BANK1: variants seen among roughly 807,000 people sequenced by gnomAD.
BANK1 encodes B-cell scaffold protein with ankyrin repeats.
In BANK1, 95 loss-of-function variants were observed where a neutral mutation model predicts 94.5. That is an observed-to-expected ratio of 1.00 (90% CI 0.85 to 1.19). The LOEUF (loss-of-function observed/expected upper bound fraction) is 1.19, where lower values mean the gene tolerates loss of function less well. BANK1 is among the 50% of genes most tolerant of loss of function. The pLI, the probability that BANK1 is intolerant of heterozygous loss-of-function variation, is 0.00. For synonymous variants in BANK1, 334 were observed against 308.4 expected (o/e 1.08, Z -0.87); for missense variants, 987 against 932.2 (o/e 1.06, Z -0.77).
chr4:102,058,989 CA>C (rs1345773437), intron 11 of BANK1, among the ~76,000 whole-genome samples: 1 of 152,138 alleles, frequency 6.6e-6, no homozygotes, highest in Non-Finnish European at 1.5e-5. Flanking sequence ...AGGAACACTA[CA>C]GGCCATTCCA....
intron 7 of BANK1, among the ~76,000 whole-genome samples, chr4:101,959,926 A>G (rs943204936): frequency 1.3e-5 from 2 of 152,168 alleles, no homozygotes. Context: ...TTTTTAGAAA[A>G]TGTGGTCATT....
At chr4:102,054,172 GGATT>G (rs140582607) in intron 11 of BANK1, among the ~76,000 whole-genome samples, 36,654 of 151,720 alleles carry the variant, frequency 0.24, 5,052 homozygotes, top group African/African-American at 0.35. Context: ...TTTTTAAAAT[GGATT>G]GATTATTTGT....
intron 10 of BANK1, among the ~76,000 whole-genome samples, chr4:102,032,558 T>C (rs180916509): frequency 6.6e-6 from 1 of 152,168 alleles, no homozygotes; most frequent in Non-Finnish European, 1.5e-5. Flanking sequence ...CCATCAAATA[T>C]GGCTATTCTT....
chr4:101,940,143 A>C (rs1723694045), intron 7 of BANK1, among the ~76,000 whole-genome samples: 1 of 151,704 alleles, frequency 6.6e-6, no homozygotes, highest in Non-Finnish European at 1.5e-5. Context: ...CATGATTATG[A>C]GATATTTACT....
At chr4:101,963,250 A>T (rs1285672932) in intron 7 of BANK1, among the ~76,000 whole-genome samples, 1 of 152,058 alleles carries the variant, frequency 6.6e-6, no homozygotes, top group Non-Finnish European at 1.5e-5. Flanking sequence ...CTCCCAATAA[A>T]AGTTGGGCAT....
rs76556159 is a variant in BANK1 at position 101,975,389 on chromosome 4, G to A, written c.1207-46125G>A. Among the ~76,000 whole-genome samples the A allele has an allele frequency of 4.7e-3, 711 of 152,196 alleles. 13 individuals carry two copies. The East Asian group carries it at 0.056, about 12-fold the overall frequency. On this transcript the variant is annotated intron_variant, in intron 7 of 16. Coordinates refer to ENST00000322953, the MANE Select transcript of BANK1 (RefSeq NM_017935.5). ...TATCTAAATTATGCCCATCATAAAGGCTTACTGCTTTTTATATTTCCTCTG... is the reference window on the plus strand; with the variant it reads ...TATCTAAATTATGCCCATCATAAAGACTTACTGCTTTTTATATTTCCTCTG...
intron 7 of BANK1, among the ~76,000 whole-genome samples, chr4:102,018,372 G>A (rs2148945467): frequency 6.6e-6 from 1 of 152,274 alleles, no homozygotes. Context: ...AACCAACACT[G>A]TGGAAAGTTG....
intron 11 of BANK1, among the ~76,000 whole-genome samples, chr4:102,054,287 G>A (rs1006584921): frequency 3.9e-5 from 6 of 152,036 alleles, no homozygotes; most frequent in African/African-American, 1.2e-4. Flanking sequence ...TACTATTCAC[G>A]TAATCGTATT....
rs1213668917 is a variant in BANK1, at chr4:102,025,406, AAAT to A, written c.1495_1497del (p.Asn499del). 2.5e-6 allele frequency: 4 copies of A among 1,614,136 alleles called. No homozygotes were observed. The highest frequency in any genetic ancestry group is 8.5e-7 in the Non-Finnish European group (1 of 1,180,012). On this transcript the variant is annotated inframe_deletion, in exon 9 of 17. Coordinates refer to ENST00000322953, the MANE Select transcript of BANK1 (RefSeq NM_017935.5). ...TGTTCATTCCTGGTGCTGATCCAGA[AAAT>A]AATTCACAAGAGCCACTCATGAGCA...
Position 101,957,055 on chromosome 4 carries a change from G to A in BANK1, c.1206+38866G>A, listed in dbSNP as rs529391845. ...TTTTATTTTCCTATGATAGTATAGC[G>A]AGTGAATCCATTCCCTTCTATCAGT... On this transcript the variant is annotated intron_variant, in intron 7 of 16. Transcript: ENST00000322953. Among the ~76,000 whole-genome samples the A allele has an allele frequency of 1.7e-4, 26 of 152,180 alleles. No individual in the cohort carries two copies. In the South Asian group the frequency reaches 3.5e-3, roughly 21 times the overall value.
chr4:101,972,110 G>A (rs560490905), intron 7 of BANK1, among the ~76,000 whole-genome samples: 85 of 152,054 alleles, frequency 5.6e-4, no homozygotes, highest in Middle Eastern at 3.4e-3. Context: ...ATTTAAACCC[G>A]TGAACGTGGG....
chr4:101,903,663 T>A (rs1357912198), intron 6 of BANK1, among the ~76,000 whole-genome samples: 2 of 152,196 alleles, frequency 1.3e-5, no homozygotes, highest in Non-Finnish European at 1.5e-5. Flanking sequence ...AGACTAGGAT[T>A]TCCTCTAAGG....
At chr4:101,887,514 G>A (rs1728898764) in intron 5 of BANK1, among the ~76,000 whole-genome samples, 1 of 151,488 alleles carries the variant, frequency 6.6e-6, no homozygotes. Flanking sequence ...TGGAAATTTT[G>A]CATATCTACA....
chr4:101,842,333 C>G (rs1051952033), intron 2 of BANK1, among the ~76,000 whole-genome samples: 1 of 152,134 alleles, frequency 6.6e-6, no homozygotes, highest in Non-Finnish European at 1.5e-5. Context: ...TTCCTTTATT[C>G]CTTCCATTTA....
At chr4:101,891,004 G>A (rs1476946947) in intron 5 of BANK1, among the ~76,000 whole-genome samples, 1 of 151,966 alleles carries the variant, frequency 6.6e-6, no homozygotes, top group Non-Finnish European at 1.5e-5. Flanking sequence ...ACATAAGACA[G>A]TGTTATACCT....
At chr4:101,956,810 G>A (rs1325458297) in intron 7 of BANK1, among the ~76,000 whole-genome samples, 1 of 152,038 alleles carries the variant, frequency 6.6e-6, no homozygotes, top group African/African-American at 2.4e-5. Flanking sequence ...TCTCCTCTTA[G>A]GCATAGAATT....
intron 9 of BANK1, among the ~76,000 whole-genome samples, chr4:102,027,122 C>T (rs1422843727): frequency 6.6e-6 from 1 of 152,086 alleles, no homozygotes; most frequent in East Asian, 1.9e-4. Context: ...AGTACACTGA[C>T]TACAAAATTC....
At chr4:101,822,581 G>A (rs953441533) in intron 1 of BANK1, among the ~76,000 whole-genome samples, 1 of 151,558 alleles carries the variant, frequency 6.6e-6, no homozygotes, top group Admixed American at 6.6e-5. Flanking sequence ...CAAAATAATG[G>A]GTGGTCTTAT....
intron 2 of BANK1, among the ~76,000 whole-genome samples, chr4:101,834,283 A>G (rs1726741063): frequency 6.6e-6 from 1 of 152,168 alleles, no homozygotes; most frequent in Non-Finnish European, 1.5e-5. Context: ...AGACACTATT[A>G]TCTCTCATCT....
Sources: allele counts gnomAD v4.1 joint callset (sites outside exome capture counted in the v4.1 genomes callset), GRCh38; gene constraint gnomAD v4.1.1; transcripts MANE v1.5; gene names NCBI Gene and HGNC (gene_info 2026-07-23, HGNC 2026-07-21).